The following RIN1 variants were observed in gnomAD, a reference collection of about 807,000 sequenced individuals.
The protein encoded by RIN1 is ras inhibitor 1.
RIN1 carries 52 observed loss-of-function variants against 64.9 expected under a neutral mutation model. That is an observed-to-expected ratio of 0.80 (90% confidence interval 0.64 to 1.01). RIN1 has a LOEUF of 1.01. Ranked by LOEUF, RIN1 falls within the 50% of genes least tolerant of loss-of-function variation. RIN1 has a pLI of 0.00. For missense variants in RIN1, 1,040 were observed against 1,064.5 expected (o/e 0.98, Z 0.32); for synonymous variants, 486 against 483.6 (o/e 1.00, Z -0.06).
At position 66,334,926 on chromosome 11, in the gene RIN1, G is replaced by A; in HGVS notation, c.873C>T (p.Ser291=). The A allele has an allele frequency of 6.3e-7, 1 of 1,587,400 alleles. No individual in the cohort carries two copies. The highest frequency in any genetic ancestry group is 8.6e-7 in the Non-Finnish European group (1 of 1,166,874). The part of the protein sequence containing the change: ...LPPCQLLRRE[S]SVGYRVPAGS... ...CTGCTGGCACGCGGTACCCCACTGAGCTCTCCCTCCGTAGCAGCTGGCAAG... is the reference window on the plus strand; with the variant it reads ...CTGCTGGCACGCGGTACCCCACTGAACTCTCCCTCCGTAGCAGCTGGCAAG... Residue 291 remains serine, a synonymous_variant, in exon 6 of 10, where the codon AGC becomes AGT. Transcript: ENST00000311320.
Position 66,332,466 on chromosome 11 carries a change from T to A in RIN1, c.2162A>T (p.Gln721Leu). ...CTCCCCTCTGCTTCTTGCCTCTGAC[T>A]GCCCACTGCCCTCCTCCTCTGTCAC... ...GAVTEEEGSG[Q>L]SEARSRGEEQ... Residue 721 changes from glutamine (Q) to leucine (L), a missense_variant, in exon 10 of 10, where the codon CAG becomes CTG. Physicochemically the swap from Gln to Leu is moderately radical, Grantham distance 113 (BLOSUM62 -2). Transcript: ENST00000311320. 6.2e-7 allele frequency: 1 copy of A among 1,614,210 alleles called. No individual in the cohort carries two copies. The highest frequency in any genetic ancestry group is 8.5e-7 in the Non-Finnish European group (1 of 1,180,034).
intron 1 of RIN1, 57 bp from the exon 2 acceptor site, chr11:66,336,215 C>T (rs1360535323): frequency 4.7e-6 from 7 of 1,491,830 alleles, no homozygotes; most frequent in Non-Finnish European, 6.3e-6. Context: ...CCTTGCTCTC[C>T]TCTTCCCCAC....
At position 66,335,229 on chromosome 11, in the gene RIN1, G is replaced by T. The variant is rs771680009; in HGVS notation, c.570C>A (p.Asn190Lys). ...CAGCCGGGCCCCGCTGAGCCTTGAT[G>T]TTGAGGGAGGAGCTCCAGAACTCTA... ...LGIEFWSSSL[N>K]IKAQRGPAGG... is the part of the protein sequence containing the mutation. Residue 190 changes from asparagine to lysine, a missense_variant, in exon 6 of 10, where the codon AAC becomes AAA. By Grantham distance (94) the Asn-to-Lys change is moderately conservative. Transcript: ENST00000311320. The T allele has an allele frequency of 1.3e-6, 2 of 1,576,492 alleles. No homozygotes were observed. The highest frequency in any genetic ancestry group is 1.2e-5 in the South Asian group (1 of 86,210).
rs918816658 is a variant in RIN1, at chr11:66,334,912, C to T, written c.887G>A (p.Arg296His). The T allele has an allele frequency of 4.4e-5, 69 of 1,581,386 alleles. No homozygotes were observed. The highest frequency in any genetic ancestry group is 5.3e-5 in the Non-Finnish European group (62 of 1,163,620). ...GCTAGGGCCACTGCCTGCTGGCACGCGGTACCCCACTGAGCTCTCCCTCCG... is the reference window on the plus strand; with the variant it reads ...GCTAGGGCCACTGCCTGCTGGCACGTGGTACCCCACTGAGCTCTCCCTCCG... ...LLRRESSVGY[R>H]VPAGSGPSLP... is the part of the protein sequence containing the mutation. The change falls in exon 6 of 10, where the codon CGC becomes CAC. Residue 296 changes from arginine to histidine, a missense_variant. By Grantham distance (29) the Arg-to-His change is conservative. Coordinates refer to ENST00000311320, the MANE Select transcript of RIN1 (RefSeq NM_004292.3).
rs1272702383 is a variant in RIN1 at position 66,332,203 on chromosome 11, T to C, written c.*73A>G. 2.1e-6 allele frequency: 3 copies of C among 1,413,870 alleles called. No individual in the cohort carries two copies. Among genetic ancestry groups the C allele is most frequent in the African/African-American group, 1.4e-5 (1 of 71,102 alleles). The allele number at this position is 1,413,870 out of a possible 1,614,324, so 87.6% of individuals were successfully genotyped here. The stretch of plus-strand genomic sequence containing the variant: ...CACAGGACAGGGCCCTGGGTGGGGC[T>C]TGCTGGCGCTAAAAGGATTTCTCAG... On this transcript the variant is annotated 3_prime_UTR_variant, in exon 10 of 10. Coordinates refer to ENST00000311320, the MANE Select transcript of RIN1 (RefSeq NM_004292.3).
In RIN1 at chr11:66,333,331, C is replaced by T. The variant is rs746912844; in HGVS notation, c.1802G>A (p.Ser601Asn). The T allele has an allele frequency of 2.5e-6, 4 of 1,613,258 alleles. No individual in the cohort carries two copies. The highest frequency in any genetic ancestry group is 2.2e-5 in the South Asian group (2 of 91,050). ...GLGQAHTLPL[S>N]PVQELRRSLS... is the part of the protein sequence containing the mutation. ...GGAGCGCCGTAGCTCCTGCACGGGG[C>T]TCAGTGGGAGGGTGTGGGCCTGACC... is the stretch of plus-strand genomic sequence containing the variant. The change falls in exon 9 of 10, where the codon AGC (serine) becomes AAC (asparagine). Residue 601 changes from serine (S) to asparagine (N), a missense_variant. Physicochemically the swap from Ser to Asn is conservative, Grantham distance 46. Transcript: ENST00000311320.
chr11:66,334,622 C>A lies in RIN1; in HGVS notation c.1177G>T (p.Gly393Trp), dbSNP rs867808445. Residue 393 changes from glycine (G) to tryptophan (W), a missense_variant, in exon 6 of 10, where the codon GGG becomes TGG. Transcript: ENST00000311320. ...CCCTGCAGCTCCTGGGGCTCGGGCC[C>A]AGCCCGCACCTGGGTCAGTAGGTCC... is the stretch of plus-strand genomic sequence containing the variant. ...VQDLLTQVRA[G>W]PEPQELQGIR... 6.3e-7 allele frequency: 1 copy of A among 1,577,502 alleles called. No individual in the cohort carries two copies. Among genetic ancestry groups the A allele is most frequent in the Non-Finnish European group, 8.6e-7 (1 of 1,164,318 alleles).
rs536220753 is a variant in RIN1, at chr11:66,335,813, C to T, written c.331G>A (p.Ala111Thr). The part of the protein sequence containing the change: ...CQALCMRLPE[A>T]SGPSFVSSHY... Reference sequence around the variant, plus strand: ...CTGGAGACGAAGGAGGGGCCACTGGCTTCAGGCAACCGCATGCACAGGGCC... The same window carrying T: ...CTGGAGACGAAGGAGGGGCCACTGGTTTCAGGCAACCGCATGCACAGGGCC... Residue 111 changes from alanine (A) to threonine (T), a missense_variant, in exon 3 of 10, where the codon GCC becomes ACC. Ala to Thr is a moderately conservative substitution (Grantham distance 58). Transcript: ENST00000311320. The T allele has an allele frequency of 1.5e-5, 24 of 1,609,388 alleles. No individual in the cohort carries two copies. In the East Asian group the frequency reaches 4.2e-4, roughly 28 times the overall value.
chr11:66,333,860 GGGGGGCCCGCCTCTGACTCAAA>G, intron 7 of RIN1, 37 bp downstream of exon 7: 1 of 1,457,300 alleles, frequency 6.9e-7, no homozygotes, highest in Non-Finnish European at 9.1e-7. Context: ...ACCTGCCGCT[GGGGGGCCCGCCTCTGACTCAAA>G]GGGGCAGGGC....
chr11:66,332,888 C>T (rs1217305839), intron 9 of RIN1, 136 bp from the exon 10 acceptor site: 1 of 723,962 alleles, frequency 1.4e-6, no homozygotes, highest in Admixed American at 2.9e-5. Context: ...AACCAAGCGG[C>T]AAAAGCTCTA....
At position 66,334,170 on chromosome 11, in the gene RIN1, A is replaced by T. The variant is rs1854813131; in HGVS notation, c.1340T>A (p.Ile447Asn). The change falls in exon 7 of 10, where the codon ATC (isoleucine) becomes AAC (asparagine). Residue 447 changes from isoleucine to asparagine, a missense_variant. Ile to Asn is a moderately radical substitution (Grantham distance 149). Transcript: ENST00000311320. ...CCGGCGCCGCAGGCGGGCTGCCAGG[A>T]TGGGCCGGAGAGGCTTGAGCACAGA... The part of the protein sequence containing the change: ...HCSVLKPLRP[I>N]LAARLRRRLA... 4.1e-6 allele frequency: 6 copies of T among 1,471,994 alleles called. No individual in the cohort carries two copies. The highest frequency in any genetic ancestry group is 5.4e-6 in the Non-Finnish European group (6 of 1,106,788). 91.2% of individuals were successfully genotyped at this position (1,471,994 alleles called of 1,614,324 possible).
In RIN1 at chr11:66,336,299, C is replaced by A; in HGVS notation, c.86+18G>T. 6.2e-7 allele frequency: 1 copy of A among 1,601,604 alleles called. No homozygotes were observed. On this transcript the variant is annotated intron_variant, in intron 1 of 9. Transcript: ENST00000311320. ...GCCCCTCCCTGCCCCACCTGGCTGC[C>A]CTGCCAACTTCACTAACTTTTCTCT...
Position 66,334,648 on chromosome 11 carries a change from T to C in RIN1, c.1151A>G (p.Gln384Arg). Residue 384 changes from glutamine to arginine, a missense_variant, in exon 6 of 10, where the codon CAG becomes CGG. By Grantham distance (43) the Gln-to-Arg change is conservative. Transcript: ENST00000311320. ...DRHTAAGQLV[Q>R]DLLTQVRAGP... ...AGCCCGCACCTGGGTCAGTAGGTCC[T>C]GCACCAGCTGGCCCGCGGCTGTGTG... The C allele has an allele frequency of 1.3e-6, 2 of 1,570,558 alleles. No homozygotes were observed. Among genetic ancestry groups the C allele is most frequent in the Non-Finnish European group, 8.6e-7 (1 of 1,160,402 alleles).
chr11:66,336,129 G>A lies in RIN1; in HGVS notation c.116C>T (p.Pro39Leu), dbSNP rs1470001322. ...GCCTGCCTGCCCGCCGCTGGCATTG[G>A]GCACGTCATACAGTGGGTCCTGGGC... ...KPAQDPLYDV[P>L]NASGGQAGGP... Residue 39 changes from proline to leucine, a missense_variant, in exon 2 of 10, where the codon CCC becomes CTC. By Grantham distance (98) the Pro-to-Leu change is moderately conservative. Transcript: ENST00000311320. 8.3e-6 allele frequency: 12 copies of A among 1,442,760 alleles called. No individual in the cohort carries two copies. The African/African-American group carries it at 1.1e-4, about 14-fold the overall frequency. The allele number at this position is 1,442,760 out of a possible 1,614,324, so 89.4% of individuals were successfully genotyped here.
chr11:66,332,795 G>A, intron 9 of RIN1, 43 bp from the exon 10 acceptor site: 2 of 1,396,090 alleles, frequency 1.4e-6, no homozygotes, highest in African/African-American at 1.4e-5. Context: ...AGCCCCGGCT[G>A]GCATGCATCT....
At position 66,332,023 on chromosome 11, in the gene RIN1, C is replaced by T. The variant is rs2282531; in HGVS notation, c.*253G>A. 174,609 of 554,854 alleles carry T rather than the reference C, an allele frequency of 0.31. 29,052 individuals carry two copies. Among genetic ancestry groups the T allele is most frequent in the African/African-American group, 0.46 (24,274 of 53,030 alleles). The allele number at this position is 554,854 out of a possible 1,614,324, so 34.4% of individuals were successfully genotyped here. A position where few individuals can be genotyped will look rare whatever the true frequency, so the allele number is the denominator to read the frequency against. On this transcript the variant is annotated 3_prime_UTR_variant, in exon 10 of 10. Coordinates refer to ENST00000311320, the MANE Select transcript of RIN1 (RefSeq NM_004292.3). ...TTGGCACACCCTCATTGCAGGCTGG[C>T]TCACCCTCAGCTGGGGGAGAAGAAC...
chr11:66,333,846 G>A, intron 7 of RIN1, 73 bp downstream of exon 7: 2 of 1,449,490 alleles, frequency 1.4e-6, no homozygotes, highest in East Asian at 2.5e-5. Context: ...CTAGGGTCCT[G>A]GGGACCTGCC....
Position 66,330,342 on chromosome 11 carries a change from G to A in RIN1, c.*1934C>T, listed in dbSNP as rs1854713289. On this transcript the variant is annotated 3_prime_UTR_variant, in exon 10 of 10. Coordinates refer to ENST00000311320, the MANE Select transcript of RIN1 (RefSeq NM_004292.3). ...GTGAAACAGGGAGGGGAATAGAAGA[G>A]CCAACGGGACACTTCCTATCAGCGA... The A allele has an allele frequency of 6.6e-6, 1 of 152,254 alleles. No homozygotes were observed. Among genetic ancestry groups the A allele is most frequent in the Non-Finnish European group, 1.5e-5 (1 of 68,084 alleles). The allele number at this position is 152,254 out of a possible 1,614,324, so 9.4% of individuals were successfully genotyped here. A position where few individuals can be genotyped will look rare whatever the true frequency, so the allele number is the denominator to read the frequency against.
In RIN1 at chr11:66,334,676, G is replaced by T. The variant is rs1180529588; in HGVS notation, c.1123C>A (p.Arg375=). The change falls in exon 6 of 10, where the codon CGA becomes AGA. Residue 375 remains arginine, a synonymous_variant. Coordinates refer to ENST00000311320, the MANE Select transcript of RIN1 (RefSeq NM_004292.3). ...GRAAAALMQD[R]HTAAGQLVQD... ...ACCAGCTGGCCCGCGGCTGTGTGTC[G>T]GTCCTGCATCAGTGCTGCCGCAGCC... 1.9e-6 allele frequency: 3 copies of T among 1,556,292 alleles called. No homozygotes were observed. Among genetic ancestry groups the T allele is most frequent in the Non-Finnish European group, 2.6e-6 (3 of 1,152,420 alleles).
Sources: gnomAD v4.1 joint callset for allele counts on GRCh38, gnomAD v4.1.1 for gene constraint, MANE v1.5 for transcripts, NCBI Gene and HGNC (gene_info 2026-07-23, HGNC 2026-07-21) for gene names.